The following VWA3B variants were observed in gnomAD, a reference collection of about 807,000 sequenced individuals.
VWA3B encodes von Willebrand factor A domain containing 3B, also known as von Willebrand factor A domain-containing protein 3B.
VWA3B carries 138 observed loss-of-function variants against 158.3 expected under a neutral mutation model. The observed-to-expected ratio is 0.87, with a 90% CI of 0.76 to 1.00. The LOEUF is 1.00. Ranked by LOEUF, VWA3B falls within the 50% of genes least tolerant of loss-of-function variation. The pLI is 0.00. For missense variants in VWA3B, 1,555 were observed against 1,565.1 expected (o/e 0.99, Z 0.11); for synonymous variants, 596 against 587.3 (o/e 1.01, Z -0.21).
chr2:98,176,070 A>T (rs976351811), intron 8 of VWA3B, among the ~76,000 whole-genome samples: 12 of 152,144 alleles, frequency 7.9e-5, no homozygotes, highest in Admixed American at 2.6e-4. Flanking sequence ...GATGGGCTTC[A>T]TCTTACCTTC....
intron 7 of VWA3B, among the ~76,000 whole-genome samples, chr2:98,154,246 C>CTAG (rs1409898313): frequency 2.6e-5 from 4 of 152,202 alleles, no homozygotes; most frequent in African/African-American, 9.6e-5. Context: ...TAGAAACTTA[C>CTAG]TAGGGTTGAG....
At chr2:98,204,584 CATTT>C (rs574660213) in intron 12 of VWA3B, among the ~76,000 whole-genome samples, 1 of 152,240 alleles carries the variant, frequency 6.6e-6, no homozygotes, top group South Asian at 2.1e-4. Context: ...ATGTATTATT[CATTT>C]TATACTTTGT....
rs117260661 is a variant in VWA3B at position 98,285,151 on chromosome 2, G to A, written c.3046-5360G>A. On this transcript the variant is annotated intron_variant, in intron 22 of 27. Coordinates refer to ENST00000477737, the MANE Select transcript of VWA3B (RefSeq NM_144992.5). Reference sequence around the variant, plus strand: ...TACTACTACAATCCAGTTTTAGAACGTTATCTTCCTCCTAACAAGATCCCT... The same window carrying A: ...TACTACTACAATCCAGTTTTAGAACATTATCTTCCTCCTAACAAGATCCCT... 5.9e-5 allele frequency among the ~76,000 whole-genome samples: 9 copies of A among 152,144 alleles called. No homozygotes were observed. In the East Asian group the frequency reaches 1.5e-3, roughly 26 times the overall value.
chr2:98,197,933 C>T (rs1034503842), intron 12 of VWA3B, among the ~76,000 whole-genome samples: 1 of 151,726 alleles, frequency 6.6e-6, no homozygotes. Flanking sequence ...TTATTGCTAC[C>T]GGATTGTATC....
intron 4 of VWA3B, among the ~76,000 whole-genome samples, chr2:98,120,993 T>G (rs1194967832): frequency 6.6e-6 from 1 of 152,226 alleles, no homozygotes; most frequent in African/African-American, 2.4e-5. Context: ...CTTGCCTGTT[T>G]ATAAAAAATA....
Position 98,266,924 on chromosome 2 carries a change from T to G in VWA3B, c.2844-3758T>G, listed in dbSNP as rs1422788171. ...ATCCTGAGACTTTGCTGAAGTTGCT[T>G]ATCAGCTTAAGGAGATTTTGGGCTG... On this transcript the variant is annotated intron_variant, in intron 21 of 27. Coordinates refer to ENST00000477737, the MANE Select transcript of VWA3B (RefSeq NM_144992.5). Among the ~76,000 whole-genome samples the G allele has an allele frequency of 8.7e-5, 13 of 149,012 alleles. No individual in the cohort carries two copies. The East Asian group carries it at 2.0e-3, about 23-fold the overall frequency.
intron 20 of VWA3B, among the ~76,000 whole-genome samples, chr2:98,250,736 G>A (rs1451815866): frequency 6.6e-6 from 1 of 151,930 alleles, no homozygotes; most frequent in Non-Finnish European, 1.5e-5. Flanking sequence ...ATAATTTATT[G>A]TACATTTAAA....
chr2:98,327,447 G>C, the VWA3B span, among the ~76,000 whole-genome samples: 1 of 152,132 alleles, frequency 6.6e-6, no homozygotes, highest in African/African-American at 2.4e-5. Flanking sequence ...GCAAATCAAA[G>C]CCAGTAATGC....
At chr2:98,268,831 C>T (rs1358753423) in intron 21 of VWA3B, among the ~76,000 whole-genome samples, 3 of 152,122 alleles carry the variant, frequency 2.0e-5, no homozygotes, top group Non-Finnish European at 4.4e-5. Context: ...ATACTACCAA[C>T]ATTACTTTGG....
intron 20 of VWA3B, among the ~76,000 whole-genome samples, chr2:98,251,395 T>C (rs1686792030): frequency 6.6e-6 from 1 of 152,168 alleles, no homozygotes; most frequent in Non-Finnish European, 1.5e-5. Flanking sequence ...AAAATTACTT[T>C]TATCAAGTTC....
chr2:98,316,516 C>A (rs1389401123), downstream of VWA3B, among the ~76,000 whole-genome samples: 1 of 151,896 alleles, frequency 6.6e-6, no homozygotes, highest in Non-Finnish European at 1.5e-5. Flanking sequence ...TGGTGACACA[C>A]GCCTGTAGTC....
At chr2:98,166,242 C>T (rs1679061776) in intron 8 of VWA3B, among the ~76,000 whole-genome samples, 1 of 152,164 alleles carries the variant, frequency 6.6e-6, no homozygotes, top group South Asian at 2.1e-4. Context: ...GAGGCTGAGA[C>T]ACCAGAATCA....
At chr2:98,094,982 T>C (rs1360917097) in intron 2 of VWA3B, among the ~76,000 whole-genome samples, 1 of 152,228 alleles carries the variant, frequency 6.6e-6, no homozygotes, top group Non-Finnish European at 1.5e-5. Context: ...CATTGATCTA[T>C]GTGTCTGTTT....
chr2:98,095,380 A>G (rs1682642714), intron 2 of VWA3B, among the ~76,000 whole-genome samples: 1 of 152,154 alleles, frequency 6.6e-6, no homozygotes, highest in African/African-American at 2.4e-5. Flanking sequence ...TGTTTTTGGT[A>G]GCTATTGTAA....
chr2:98,159,236 G>GT (rs1173937781), intron 7 of VWA3B, among the ~76,000 whole-genome samples: 5 of 151,936 alleles, frequency 3.3e-5, no homozygotes, highest in African/African-American at 1.2e-4. Context: ...CCTGCAAATT[G>GT]TTTTTTTGTT....
At chr2:98,126,491 A>G (rs992770474) in intron 5 of VWA3B, among the ~76,000 whole-genome samples, 3 of 152,172 alleles carry the variant, frequency 2.0e-5, no homozygotes, top group Non-Finnish European at 4.4e-5. Context: ...CGCAGCTGGA[A>G]AACTCGGATA....
intron 26 of VWA3B, among the ~76,000 whole-genome samples, chr2:98,309,597 C>T (rs992097022): frequency 2.6e-5 from 4 of 152,300 alleles, no homozygotes; most frequent in South Asian, 4.1e-4. Context: ...GAAATGATAC[C>T]GTGCGCAGTG....
intron 19 of VWA3B, among the ~76,000 whole-genome samples, chr2:98,244,260 G>A (rs1293851813): frequency 6.6e-6 from 1 of 152,044 alleles, no homozygotes; most frequent in Admixed American, 6.5e-5. Flanking sequence ...CCAATTGGGG[G>A]CAGTTTACTT....
At chr2:98,258,866 C>A (rs1463498209) in intron 21 of VWA3B, among the ~76,000 whole-genome samples, 1 of 151,746 alleles carries the variant, frequency 6.6e-6, no homozygotes, top group Non-Finnish European at 1.5e-5. Flanking sequence ...TCCAGAACAA[C>A]ATTGAATAGC....
Sources: gnomAD v4.1 joint callset for allele counts (sites outside exome capture counted in the v4.1 genomes callset) on GRCh38, gnomAD v4.1.1 for gene constraint, MANE v1.5 for transcripts, NCBI Gene and HGNC (gene_info 2026-07-23, HGNC 2026-07-21) for gene names.